WDR17: variants seen among roughly 807,000 people sequenced by gnomAD.
The protein encoded by WDR17 is WD repeat-containing protein 17.
A neutral mutation model predicts 161.7 loss-of-function variants in WDR17; 143 were observed. The ratio of observed to expected loss-of-function variants is 0.88; its 90% CI spans 0.77 to 1.02. The LOEUF is 1.02. Ranked by LOEUF, WDR17 falls within the 50% of genes least tolerant of loss-of-function variation. WDR17 has a pLI of 0.00. For synonymous variants in WDR17, 517 were observed against 515.6 expected, an observed-to-expected ratio of 1.00 and a Z score of -0.04; for missense variants, 1,469 against 1,520.9, an observed-to-expected ratio of 0.97 and a Z score of 0.57.
intron 2 of WDR17, among the ~76,000 whole-genome samples, chr4:176,115,055 T>A (rs1456222555): frequency 6.6e-6 from 1 of 152,040 alleles, no homozygotes; most frequent in Non-Finnish European, 1.5e-5. Context: ...AGCATATAGC[T>A]TTAAAAAGTT....
intron 1 of WDR17, among the ~76,000 whole-genome samples, chr4:176,097,770 C>CACACAA (rs1737138593): frequency 6.8e-6 from 1 of 147,722 alleles, no homozygotes; most frequent in African/African-American, 2.5e-5. Context: ...CACACACACA[C>CACACAA]AATGCCAATA....
In WDR17 at chr4:176,119,890, T is replaced by C. The variant is rs1741268883; in HGVS notation, c.331T>C (p.Cys111Arg). ...AGGGATCCCTGCTTCTCTTAGTTGG[T>C]GCTGGAATGCAGAGGATGTGGTGGC... ...TKGIPASLSW[C>R]WNAEDVVAFV... The change falls in exon 4 of 29, where the codon TGC becomes CGC. Residue 111 changes from cysteine (C) to arginine (R), a missense_variant. Cys to Arg is a radical substitution (Grantham distance 180). Transcript: ENST00000508596. The C allele has an allele frequency of 1.2e-5, 20 of 1,614,062 alleles. No homozygotes were observed. The highest frequency in any genetic ancestry group is 1.6e-5 in the Non-Finnish European group (19 of 1,180,012).
rs1394949445 is a variant in WDR17 at position 176,168,748 on chromosome 4, G to A, written c.3067G>A (p.Gly1023Arg). The stretch of plus-strand genomic sequence containing the variant: ...AATAAAACTCTGTGCTTTCTACCCA[G>A]GATGTACTGAAGAGATAAATGACCT... ...HLIKLCAFYPGCTEEINDLHD... is the reference protein window; with the variant it reads ...HLIKLCAFYPRCTEEINDLHD... Residue 1023 changes from glycine (G) to arginine (R), a missense_variant, in exon 23 of 29, where the codon GGA (glycine) becomes AGA (arginine). Physicochemically the swap from Gly to Arg is moderately radical, Grantham distance 125. Coordinates refer to ENST00000508596, the MANE Select transcript of WDR17 (RefSeq NM_181265.4). 6 of 1,612,996 alleles carry A rather than the reference G, an allele frequency of 3.7e-6. No homozygotes were observed. The highest frequency in any genetic ancestry group is 5.1e-6 in the Non-Finnish European group (6 of 1,179,600).
intron 1 of WDR17, among the ~76,000 whole-genome samples, chr4:176,094,724 A>G (rs1221249970): frequency 6.6e-6 from 1 of 152,198 alleles, no homozygotes; most frequent in Non-Finnish European, 1.5e-5. Flanking sequence ...AGACTTTTTC[A>G]AAGTAATTTG....
intron 1 of WDR17, among the ~76,000 whole-genome samples, chr4:176,082,866 A>G (rs995242396): frequency 2.6e-5 from 4 of 152,276 alleles, no homozygotes; most frequent in South Asian, 4.1e-4. Context: ...AATTTTAGAC[A>G]GGGAAATATA....
At chr4:176,163,373 A>C in intron 22 of WDR17, 80 bp downstream of exon 22, 1 of 1,458,112 alleles carries the variant, frequency 6.9e-7, no homozygotes, top group Non-Finnish European at 9.2e-7. Context: ...ATTTGATAAG[A>C]TATGCATTGG....
intron 1 of WDR17, among the ~76,000 whole-genome samples, chr4:176,083,663 T>C (rs981964975): frequency 5.9e-5 from 9 of 152,258 alleles, no homozygotes; most frequent in African/African-American, 2.2e-4. Flanking sequence ...TGTCTTTTGA[T>C]GAACATTACC....
At chr4:176,136,024 A>G (rs1744342873) in intron 8 of WDR17, among the ~76,000 whole-genome samples, 2 of 151,568 alleles carry the variant, frequency 1.3e-5, no homozygotes. Context: ...AGGGTTTTAT[A>G]TTTCATCAGA....
intron 17 of WDR17, among the ~76,000 whole-genome samples, chr4:176,155,560 T>C (rs1561192144): frequency 6.9e-6 from 1 of 145,668 alleles, no homozygotes; most frequent in Non-Finnish European, 1.5e-5. Flanking sequence ...TTTTTTTTTT[T>C]TGGAGACGAA....
At chr4:176,156,057 C>A in intron 17 of WDR17, 22 bp from the exon 18 acceptor site, 1 of 1,611,990 alleles carries the variant, frequency 6.2e-7, no homozygotes, top group South Asian at 1.1e-5. Flanking sequence ...TATGCTCCTG[C>A]CCTTTTTGCC....
Position 176,143,079 on chromosome 4 carries a change from A to T in WDR17, c.1529+1010A>T, listed in dbSNP as rs571746455. Among the ~76,000 whole-genome samples, 100 of 152,240 alleles carry T rather than the reference A, an allele frequency of 6.6e-4. 1 individual carries two copies. Among genetic ancestry groups the T allele is most frequent in the African/African-American group, 2.4e-3 (99 of 41,550 alleles). On this transcript the variant is annotated intron_variant, in intron 11 of 28. Transcript: ENST00000508596. ...TTTTTAGTAGAGACGGGGTTTCTCCATGCTGGTCAGGCTGGTCTCGAATTC... is the reference window on the plus strand; with the variant it reads ...TTTTTAGTAGAGACGGGGTTTCTCCTTGCTGGTCAGGCTGGTCTCGAATTC...
Position 176,135,202 on chromosome 4 carries a change from A to G in WDR17, c.1193A>G (p.Asp398Gly). 6.2e-7 allele frequency: 1 copy of G among 1,612,442 alleles called. No individual in the cohort carries two copies. The highest frequency in any genetic ancestry group is 8.5e-7 in the Non-Finnish European group (1 of 1,178,750). Residue 398 changes from aspartate (D) to glycine (G), a missense_variant, in exon 8 of 29, where the codon GAT (aspartate) becomes GGT (glycine). Transcript: ENST00000508596. The stretch of plus-strand genomic sequence containing the variant: ...TTTGATGGCACTATAAAAGTCTGGG[A>G]TATAAACACATTAACAGCAGTGTAC... The part of the protein sequence containing the change: ...ASFDGTIKVW[D>G]INTLTAVYTS...
intron 1 of WDR17, among the ~76,000 whole-genome samples, chr4:176,066,525 G>GA (rs1209902417): frequency 2.6e-5 from 4 of 152,054 alleles, no homozygotes; most frequent in African/African-American, 7.2e-5. Context: ...ATGCGTTCCA[G>GA]AAAAAAGACG....
rs1744177203 is a variant in WDR17, at chr4:176,135,043, T to C, written c.1099-65T>C. ...CATGTGTCAATTTGAGTAAACATTG[T>C]GGTTCATCTATTAATAATGTGAATT... On this transcript the variant is annotated intron_variant, in intron 7 of 28. Coordinates refer to ENST00000508596, the MANE Select transcript of WDR17 (RefSeq NM_181265.4). 27 of 1,486,988 alleles carry C rather than the reference T, an allele frequency of 1.8e-5. 1 individual carries two copies. In the South Asian group the frequency reaches 3.2e-4, roughly 18 times the overall value. 92.1% of individuals were successfully genotyped at this position (1,486,988 alleles called of 1,614,324 possible). A position where few individuals can be genotyped will look rare whatever the true frequency, so the allele number is the denominator to read the frequency against.
intron 4 of WDR17, among the ~76,000 whole-genome samples, chr4:176,124,205 C>G (rs899295432): frequency 9.2e-5 from 14 of 152,134 alleles, no homozygotes; most frequent in African/African-American, 3.1e-4. Context: ...CTGTTAAGGC[C>G]GCAGTCTCTC....
chr4:176,099,559 A>G (rs971038560), intron 1 of WDR17, among the ~76,000 whole-genome samples: 3 of 152,120 alleles, frequency 2.0e-5, no homozygotes, highest in Non-Finnish European at 4.4e-5. Flanking sequence ...AAATTACACT[A>G]GAGCATTCTG....
At chr4:176,107,010 A>C (rs1317734146) in intron 1 of WDR17, among the ~76,000 whole-genome samples, 3 of 152,176 alleles carry the variant, frequency 2.0e-5, no homozygotes, top group Non-Finnish European at 2.9e-5. Context: ...CCACAGAATG[A>C]AGAAAATATT....
intron 23 of WDR17, among the ~76,000 whole-genome samples, chr4:176,170,649 T>C (rs914767364): frequency 6.6e-6 from 1 of 152,190 alleles, no homozygotes; most frequent in African/African-American, 2.4e-5. Context: ...CTACACACAG[T>C]AGAAGAATAT....
intron 12 of WDR17, among the ~76,000 whole-genome samples, chr4:176,146,803 T>A (rs1201508279): frequency 6.6e-6 from 1 of 152,090 alleles, no homozygotes; most frequent in East Asian, 1.9e-4. Flanking sequence ...AGCAACAAAA[T>A]TTTTAGATTG....
Sources: gnomAD v4.1 joint callset for allele counts (sites outside exome capture counted in the v4.1 genomes callset) on GRCh38, gnomAD v4.1.1 for gene constraint, MANE v1.5 for transcripts, NCBI Gene and HGNC (gene_info 2026-07-23, HGNC 2026-07-21) for gene names.